HPSE2: variants seen among roughly 807,000 people sequenced by gnomAD.
HPSE2 encodes heparanase 2 (inactive).
In HPSE2, 38 loss-of-function variants were observed where a neutral mutation model predicts 60.5. The ratio of observed to expected loss-of-function variants is 0.63; its 90% CI spans 0.48 to 0.82. The LOEUF (loss-of-function observed/expected upper bound fraction) is 0.82, where lower values mean the gene tolerates loss of function less well. HPSE2 is among the 40% of genes least tolerant of loss of function. The probability of loss-of-function intolerance (pLI) is 0.00; values close to 1 mark genes in which losing one functional copy is unlikely to be tolerated. For missense variants in HPSE2, 713 were observed against 740.4 expected (o/e 0.96, Z 0.43); for synonymous variants, 295 against 293.2 (o/e 1.01, Z -0.06).
At chr10:98,932,393 G>T (rs1954665321) in intron 3 of HPSE2, among the ~76,000 whole-genome samples, 1 of 143,838 alleles carries the variant, frequency 7.0e-6, no homozygotes, top group African/African-American at 2.8e-5. Context: ...GAGGATTTTT[G>T]CACAGATGTT....
chr10:99,052,059 T>C (rs1958003787), intron 3 of HPSE2, among the ~76,000 whole-genome samples: 2 of 151,358 alleles, frequency 1.3e-5, no homozygotes, highest in East Asian at 3.9e-4. Context: ...GTAATAAAAA[T>C]GTGACCCATA....
chr10:99,290,311 T>A, the HPSE2 span, among the ~76,000 whole-genome samples: 4 of 152,178 alleles, frequency 2.6e-5, no homozygotes, highest in Non-Finnish European at 5.9e-5. Flanking sequence ...ATTTCATTCA[T>A]CTCTGTGTCC....
At chr10:98,508,647 T>G (rs1202886192) in intron 9 of HPSE2, among the ~76,000 whole-genome samples, 1 of 152,180 alleles carries the variant, frequency 6.6e-6, no homozygotes, top group African/African-American at 2.4e-5. Flanking sequence ...CATTAGAAGA[T>G]GTGACCATGT....
At chr10:98,852,113 A>ATATC (rs779720749) in intron 3 of HPSE2, among the ~76,000 whole-genome samples, 1 of 91,930 alleles carries the variant, frequency 1.1e-5, no homozygotes. Context: ...GTATATTATG[A>ATATC]TGTGTGTGTG....
chr10:99,242,005 G>A, the HPSE2 span, among the ~76,000 whole-genome samples: 1 of 152,278 alleles, frequency 6.6e-6, no homozygotes, highest in South Asian at 2.1e-4. Flanking sequence ...TCTTCTGCCT[G>A]TGATTAGCAT....
At position 98,459,444 on chromosome 10, in the gene HPSE2, T is replaced by C. The variant is rs1271121912; in HGVS notation, c.*130A>G. On this transcript the variant is annotated 3_prime_UTR_variant, in exon 12 of 12. Coordinates refer to ENST00000370552, the MANE Select transcript of HPSE2 (RefSeq NM_021828.5). ...ATTTAGTCTCTTTGGAGAGCAAGTC[T>C]GTGTTGATTCCAGCAGGATGGGGCA... 4.0e-6 allele frequency: 4 copies of C among 1,005,388 alleles called. No homozygotes were observed. The African/African-American group carries it at 6.4e-5, about 16-fold the overall frequency. 62.3% of individuals were successfully genotyped at this position (1,005,388 alleles called of 1,614,324 possible).
chr10:98,737,224 T>TGCACTTCCTGGGTG (rs1554981384), intron 4 of HPSE2, among the ~76,000 whole-genome samples: 1 of 142,708 alleles, frequency 7.0e-6, no homozygotes, highest in Non-Finnish European at 1.5e-5. Flanking sequence ...TTTCACCTGT[T>TGCACTTCCTGGGTG]ATATACACAT....
At chr10:98,746,963 T>C (rs1949644721) in intron 3 of HPSE2, among the ~76,000 whole-genome samples, 2 of 152,056 alleles carry the variant, frequency 1.3e-5, no homozygotes, top group South Asian at 2.1e-4. Flanking sequence ...ACTGGCAATA[T>C]TGGATAATTA....
At chr10:98,497,843 A>G (rs1941899906) in intron 9 of HPSE2, among the ~76,000 whole-genome samples, 1 of 152,150 alleles carries the variant, frequency 6.6e-6, no homozygotes, top group South Asian at 2.1e-4. Flanking sequence ...TTTTGAAGCT[A>G]GCATGATTTT....
intron 9 of HPSE2, among the ~76,000 whole-genome samples, chr10:98,542,330 C>G (rs1165152689): frequency 2.7e-5 from 4 of 148,838 alleles, no homozygotes; most frequent in Admixed American, 1.3e-4. Flanking sequence ...CCATCTGTAC[C>G]TCACCATCAT....
At chr10:98,760,691 G>T (rs991852322) in intron 3 of HPSE2, among the ~76,000 whole-genome samples, 3 of 152,004 alleles carry the variant, frequency 2.0e-5, no homozygotes, top group Non-Finnish European at 4.4e-5. Flanking sequence ...TGTTGAATTT[G>T]CTTTGCTAGT....
chr10:99,283,026 T>A, the HPSE2 span, among the ~76,000 whole-genome samples: 1 of 151,228 alleles, frequency 6.6e-6, no homozygotes. Context: ...CTACTAAAAA[T>A]ACAAAAAAAA....
At chr10:98,738,709 A>T (rs971040868) in intron 4 of HPSE2, among the ~76,000 whole-genome samples, 3 of 152,248 alleles carry the variant, frequency 2.0e-5, no homozygotes, top group Non-Finnish European at 4.4e-5. Flanking sequence ...CAGCCAACAA[A>T]GATATGAAAA....
intron 9 of HPSE2, among the ~76,000 whole-genome samples, chr10:98,596,970 A>C (rs953374887): frequency 2.0e-5 from 3 of 152,194 alleles, no homozygotes; most frequent in South Asian, 4.1e-4. Flanking sequence ...GGGAGGCCTC[A>C]GAAAACTTAC....
chr10:98,879,234 C>T (rs1399972195), intron 3 of HPSE2, among the ~76,000 whole-genome samples: 9 of 151,992 alleles, frequency 5.9e-5, no homozygotes, highest in Non-Finnish European at 1.3e-4. Context: ...AAAAGAAGCC[C>T]TGTCACACCA....
the HPSE2 span, among the ~76,000 whole-genome samples, chr10:99,242,915 A>G: frequency 6.6e-6 from 1 of 152,206 alleles, no homozygotes; most frequent in African/African-American, 2.4e-5. Context: ...TCACTGTGGA[A>G]ATGAGTGTAA....
intron 3 of HPSE2, among the ~76,000 whole-genome samples, chr10:98,979,386 G>A (rs1956158304): frequency 6.6e-6 from 1 of 152,146 alleles, no homozygotes; most frequent in Non-Finnish European, 1.5e-5. Flanking sequence ...AAATTTGTGG[G>A]TTCATGAGAT....
chr10:99,170,163 G>T (rs1847254046), intron 2 of HPSE2, among the ~76,000 whole-genome samples: 1 of 152,054 alleles, frequency 6.6e-6, no homozygotes, highest in African/African-American at 2.4e-5. Context: ...TTTGCCTGAG[G>T]TTTCACAGCC....
upstream of HPSE2, among the ~76,000 whole-genome samples, chr10:99,239,949 G>A (rs551660315): frequency 6.6e-6 from 1 of 152,196 alleles, no homozygotes; most frequent in South Asian, 2.1e-4. Context: ...AGCACTTTGA[G>A]AGGTCGAGGT....
Sources: gnomAD v4.1 joint callset for allele counts (sites outside exome capture counted in the v4.1 genomes callset) on GRCh38, gnomAD v4.1.1 for gene constraint, MANE v1.5 for transcripts, NCBI Gene and HGNC (gene_info 2026-07-23, HGNC 2026-07-21) for gene names.